Variants in LRRC4C observed in about 807,000 individuals in gnomAD.
LRRC4C encodes the protein leucine-rich repeat-containing protein 4C.
LRRC4C carries 5 observed loss-of-function variants against 33.6 expected under a neutral mutation model. The observed-to-expected ratio is 0.15, with a 90% CI of 0.08 to 0.31. The LOEUF is 0.31. LRRC4C is among the 10% of genes least tolerant of loss of function. The pLI is 1.00. For missense variants in LRRC4C, 560 were observed against 796.7 expected (o/e 0.70, Z 3.58); for synonymous variants, 329 against 302.0 (o/e 1.09, Z -0.93).
At chr11:40,968,499 G>C (rs897365720) in intron 1 of LRRC4C, among the ~76,000 whole-genome samples, 2 of 152,120 alleles carry the variant, frequency 1.3e-5, no homozygotes, top group Admixed American at 1.3e-4. Flanking sequence ...GAGTTTCATA[G>C]CTAATTTGGA....
intron 5 of LRRC4C, among the ~76,000 whole-genome samples, chr11:40,233,819 G>A (rs1413796077): frequency 6.6e-6 from 1 of 152,114 alleles, no homozygotes; most frequent in Non-Finnish European, 1.5e-5. Context: ...AAGGGGTAAT[G>A]TTCACTTGGT....
intron 1 of LRRC4C, among the ~76,000 whole-genome samples, chr11:41,213,913 C>T (rs1946927130): frequency 6.6e-6 from 1 of 152,178 alleles, no homozygotes; most frequent in Non-Finnish European, 1.5e-5. Flanking sequence ...ACATTTTGAC[C>T]TCCATTTGTT....
At chr11:41,311,695 C>T (rs1189127789) in intron 1 of LRRC4C, among the ~76,000 whole-genome samples, 1 of 152,152 alleles carries the variant, frequency 6.6e-6, no homozygotes, top group Non-Finnish European at 1.5e-5. Context: ...AATATTGTAT[C>T]ATTATTTTAC....
intron 1 of LRRC4C, among the ~76,000 whole-genome samples, chr11:40,989,807 AGC>A (rs1455903472): frequency 1.3e-5 from 2 of 152,158 alleles, no homozygotes; most frequent in Non-Finnish European, 2.9e-5. Context: ...AGGTACAGTC[AGC>A]CCTCCATATC....
chr11:41,123,030 C>A (rs2129513), intron 1 of LRRC4C: 136,937 of 152,084 alleles, frequency 0.9, 62,431 homozygotes, highest in East Asian at 1. Context: ...TAAATATTTC[C>A]TAGCAGTCTT....
chr11:41,264,427 GT>G (rs1949084712), intron 1 of LRRC4C, among the ~76,000 whole-genome samples: 1 of 152,100 alleles, frequency 6.6e-6, no homozygotes, highest in Non-Finnish European at 1.5e-5. Context: ...AATTTCATAA[GT>G]AGGAACTCAG....
intron 2 of LRRC4C, among the ~76,000 whole-genome samples, chr11:40,824,883 G>A (rs905327865): frequency 6.6e-5 from 10 of 151,860 alleles, no homozygotes; most frequent in East Asian, 1.9e-4. Context: ...TACAATATAC[G>A]TACTAATATA....
At chr11:40,513,672 A>G (rs1164261062) in intron 3 of LRRC4C, among the ~76,000 whole-genome samples, 7 of 152,172 alleles carry the variant, frequency 4.6e-5, no homozygotes, top group African/African-American at 1.2e-4. Context: ...GGGTGCATAG[A>G]GGACAATTTA....
chr11:40,769,095 G>GA (rs34729875), intron 2 of LRRC4C, among the ~76,000 whole-genome samples: 1 of 152,016 alleles, frequency 6.6e-6, no homozygotes, highest in Non-Finnish European at 1.5e-5. Context: ...AAGATTTCAT[G>GA]AAAAAAACTA....
At chr11:41,119,255 G>A (rs753152632) in intron 1 of LRRC4C, among the ~76,000 whole-genome samples, 2 of 152,068 alleles carry the variant, frequency 1.3e-5, no homozygotes, top group Non-Finnish European at 2.9e-5. Flanking sequence ...TCATTTTCCA[G>A]TATGTGAGAT....
chr11:40,530,546 C>T (rs1956232137), intron 3 of LRRC4C, among the ~76,000 whole-genome samples: 1 of 152,098 alleles, frequency 6.6e-6, no homozygotes, highest in Admixed American at 6.6e-5. Flanking sequence ...AGAGCCTATG[C>T]TCAGAGGACC....
intron 2 of LRRC4C, among the ~76,000 whole-genome samples, chr11:40,778,004 A>C (rs1950076271): frequency 6.6e-6 from 1 of 152,006 alleles, no homozygotes; most frequent in South Asian, 2.1e-4. Context: ...TGATTTTTTT[A>C]ATTCAACTTA....
At chr11:40,745,846 C>T (rs547926411) in intron 2 of LRRC4C, among the ~76,000 whole-genome samples, 10 of 152,072 alleles carry the variant, frequency 6.6e-5, no homozygotes, top group South Asian at 2.1e-4. Flanking sequence ...ATGAATCTGG[C>T]GTTATGAATC....
At chr11:40,364,109 G>C (rs2137195701) in intron 3 of LRRC4C, among the ~76,000 whole-genome samples, 1 of 151,930 alleles carries the variant, frequency 6.6e-6, no homozygotes, top group South Asian at 2.1e-4. Flanking sequence ...ACAAAGACCA[G>C]AATGTTGAAA....
chr11:41,119,010 A>C (rs576876931), intron 1 of LRRC4C, among the ~76,000 whole-genome samples: 4 of 152,148 alleles, frequency 2.6e-5, no homozygotes, highest in African/African-American at 9.6e-5. Flanking sequence ...TTTTGTAAAC[A>C]ATACTATAGG....
chr11:41,110,807 G>A (rs1941784938), intron 1 of LRRC4C, among the ~76,000 whole-genome samples: 1 of 151,864 alleles, frequency 6.6e-6, no homozygotes, highest in South Asian at 2.1e-4. Context: ...TTTTTAAGGA[G>A]CACTTTTTTC....
chr11:40,341,971 T>C (rs1490306751), intron 3 of LRRC4C, among the ~76,000 whole-genome samples: 15 of 150,014 alleles, frequency 1.0e-4, no homozygotes, highest in South Asian at 2.1e-4. Context: ...TGTATGTTGA[T>C]AGAGATTATG....
intron 1 of LRRC4C, among the ~76,000 whole-genome samples, chr11:41,285,060 A>G (rs1473252143): frequency 6.6e-6 from 1 of 152,190 alleles, no homozygotes; most frequent in Non-Finnish European, 1.5e-5. Context: ...GGACCCAGGA[A>G]AAGTAGATTG....
intron 1 of LRRC4C, among the ~76,000 whole-genome samples, chr11:41,083,271 G>A (rs2135496517): frequency 6.6e-6 from 1 of 152,042 alleles, no homozygotes; most frequent in East Asian, 1.9e-4. Flanking sequence ...AAGCAGAATA[G>A]GAAGACAAAT....
Sources: allele counts gnomAD v4.1 joint callset (sites outside exome capture counted in the v4.1 genomes callset), GRCh38; gene constraint gnomAD v4.1.1; transcripts MANE v1.5; gene names NCBI Gene and HGNC (gene_info 2026-07-23, HGNC 2026-07-21).